Variants in KIF3B observed in about 807,000 individuals in gnomAD.
The protein encoded by KIF3B is kinesin family member 3B.
A neutral mutation model predicts 74.3 loss-of-function variants in KIF3B; 38 were observed. The ratio of observed to expected loss-of-function variants is 0.51; its 90% confidence interval spans 0.39 to 0.67. The LOEUF is 0.67. Ranked by LOEUF, KIF3B falls within the 30% of genes least tolerant of loss-of-function variation. The pLI, the probability that KIF3B is intolerant of heterozygous loss-of-function variation, is 0.00. For synonymous variants in KIF3B, 326 were observed against 342.5 expected, an observed-to-expected ratio of 0.95 and a Z score of 0.53; for missense variants, 649 against 932.0, an observed-to-expected ratio of 0.70 and a Z score of 3.95.
chr20:32,280,645 G>A (rs764062135), intron 1 of KIF3B, among the ~76,000 whole-genome samples: 49 of 149,094 alleles, frequency 3.3e-4, no homozygotes, highest in Non-Finnish European at 6.7e-4. Context: ...AACCGGGGAG[G>A]TGGAACTTGC....
At chr20:32,278,925 T>TTTTC (rs1351395431) in intron 1 of KIF3B, among the ~76,000 whole-genome samples, 2 of 146,366 alleles carry the variant, frequency 1.4e-5, no homozygotes, top group East Asian at 4.0e-4. Flanking sequence ...AGAATCCTTT[T>TTTTC]TTTTTTTTTT....
chr20:32,316,200 A>T lies in KIF3B; in HGVS notation c.1405-18A>T. On this transcript the variant is annotated intron_variant, in intron 2 of 8. Transcript: ENST00000375712. ...AGAAACCGTTCATGAGATGGATTCT[A>T]CTTTGTTTCTCACTCAGGCCATGGA... 1 of 1,365,832 alleles carries T rather than the reference A, an allele frequency of 7.3e-7. No homozygotes were observed. Among genetic ancestry groups the T allele is most frequent in the Non-Finnish European group, 1.0e-6 (1 of 954,452 alleles). The allele number at this position is 1,365,832 out of a possible 1,614,324, so 84.6% of individuals were successfully genotyped here. A position where few individuals can be genotyped will look rare whatever the true frequency, so the allele number is the denominator to read the frequency against.
chr20:32,298,342 C>T (rs575970123), intron 1 of KIF3B, among the ~76,000 whole-genome samples: 3 of 148,672 alleles, frequency 2.0e-5, no homozygotes, highest in African/African-American at 4.9e-5. Flanking sequence ...GAGGCTGAGG[C>T]GGAAAATCGC....
At position 32,327,597 on chromosome 20, in the gene KIF3B, A is replaced by G. The variant is rs1313012119; in HGVS notation, c.1904A>G (p.Tyr635Cys). Residue 635 changes from tyrosine (Y) to cysteine (C), a missense_variant, in exon 7 of 9, where the codon TAT (tyrosine) becomes TGT (cysteine). Physicochemically the swap from Tyr to Cys is radical, Grantham distance 194 (BLOSUM62 -2). Around this residue, in one of 4 missense-constraint regions of KIF3B, gnomAD observed 186 missense variants for 198.5 expected, o/e 0.94. Transcript: ENST00000375712. Reference protein sequence around the residue: ...MMKRPVSAVGYKRPLSQHARM... With the variant: ...MMKRPVSAVGCKRPLSQHARM... The stretch of plus-strand genomic sequence containing the variant: ...AAGCGGCCAGTCTCAGCCGTGGGAT[A>G]TAAGAGACCATTGAGCCAGCACGCA... The G allele has an allele frequency of 1.2e-6, 2 of 1,613,554 alleles. No individual in the cohort carries two copies. Among genetic ancestry groups the G allele is most frequent in the Non-Finnish European group, 8.5e-7 (1 of 1,179,756 alleles).
intron 5 of KIF3B, among the ~76,000 whole-genome samples, 177 bp from the exon 6 acceptor site, chr20:32,326,594 T>C (rs968062904): frequency 6.6e-6 from 1 of 152,206 alleles, no homozygotes; most frequent in Non-Finnish European, 1.5e-5. Context: ...AGGAGCCAGA[T>C]GTCATTTGTG....
chr20:32,279,211 C>T (rs1010526104), intron 1 of KIF3B, among the ~76,000 whole-genome samples: 1 of 152,072 alleles, frequency 6.6e-6, no homozygotes, highest in Non-Finnish European at 1.5e-5. Flanking sequence ...GCGTGAGCCA[C>T]CACACCCAGT....
chr20:32,287,781 A>G (rs2122657411), intron 1 of KIF3B, among the ~76,000 whole-genome samples: 1 of 151,722 alleles, frequency 6.6e-6, no homozygotes, highest in African/African-American at 2.4e-5. Context: ...TAAGAGAACA[A>G]TTCTAAATAA....
rs2047931259 is a variant in KIF3B at position 32,331,726 on chromosome 20, A to G, written c.*407A>G. 5.6e-6 allele frequency: 1 copy of G among 177,918 alleles called. No individual in the cohort carries two copies. Among genetic ancestry groups the G allele is most frequent in the African/African-American group, 2.4e-5 (1 of 41,780 alleles). 11.0% of individuals were successfully genotyped at this position (177,918 alleles called of 1,614,324 possible). A position where few individuals can be genotyped will look rare whatever the true frequency, so the allele number is the denominator to read the frequency against. On this transcript the variant is annotated 3_prime_UTR_variant, in exon 9 of 9. Coordinates refer to ENST00000375712, the MANE Select transcript of KIF3B (RefSeq NM_004798.4). ...GAACAATAGGGCAGAATCAGGAGTC[A>G]CCTTAGCAGGACCACATCTTTGGAG...
intron 2 of KIF3B, 54 bp downstream of exon 2, chr20:32,311,235 C>T (rs2047799128): frequency 1.4e-6 from 2 of 1,481,260 alleles, no homozygotes; most frequent in East Asian, 4.8e-5. Flanking sequence ...CTTTTGCTTT[C>T]ATCAAACAAC....
At chr20:32,329,414 G>A (rs1034820181) in intron 7 of KIF3B, among the ~76,000 whole-genome samples, 1 of 149,814 alleles carries the variant, frequency 6.7e-6, no homozygotes, top group African/African-American at 2.5e-5. Flanking sequence ...CTGTAGCACA[G>A]TCATAGCTCG....
chr20:32,327,427 A>G (rs2047909111), intron 6 of KIF3B, 129 bp from the exon 7 acceptor site: 1 of 659,544 alleles, frequency 1.5e-6, no homozygotes, highest in East Asian at 2.7e-5. Context: ...AGAAAACAGA[A>G]GCATTTCCCG....
chr20:32,281,085 C>T (rs2047640967), intron 1 of KIF3B, among the ~76,000 whole-genome samples: 1 of 152,184 alleles, frequency 6.6e-6, no homozygotes, highest in Admixed American at 6.5e-5. Context: ...AAGACCCCGT[C>T]TTATGTAACA....
chr20:32,288,519 T>C (rs543735724), intron 1 of KIF3B, among the ~76,000 whole-genome samples: 1 of 152,176 alleles, frequency 6.6e-6, no homozygotes, highest in Admixed American at 6.6e-5. Flanking sequence ...TATTTAGATA[T>C]ATTTTACATA....
rs1051815726 is a variant in KIF3B, at chr20:32,334,934, C to T, written c.*3615C>T. 1.8e-4 allele frequency: 27 copies of T among 152,694 alleles called. No individual in the cohort carries two copies. Among genetic ancestry groups the T allele is most frequent in the African/African-American group, 6.0e-4 (25 of 41,544 alleles). 9.5% of individuals were successfully genotyped at this position (152,694 alleles called of 1,614,324 possible). On this transcript the variant is annotated 3_prime_UTR_variant, in exon 9 of 9. Transcript: ENST00000375712. ...CAATTGATATTTATTTGTATCATCTCTTTGTCTAGGAATGTAAAAGTGATT... is the reference window on the plus strand; with the variant it reads ...CAATTGATATTTATTTGTATCATCTTTTTGTCTAGGAATGTAAAAGTGATT...
chr20:32,301,104 T>G (rs1481847101), intron 1 of KIF3B, among the ~76,000 whole-genome samples: 22 of 148,102 alleles, frequency 1.5e-4, no homozygotes, highest in African/African-American at 5.0e-4. Flanking sequence ...TTTTTTTTTT[T>G]TTTGAGACAG....
intron 1 of KIF3B, among the ~76,000 whole-genome samples, chr20:32,286,119 T>C (rs571551614): frequency 1.3e-5 from 2 of 152,340 alleles, no homozygotes; most frequent in South Asian, 2.1e-4. Context: ...TTTGTCATGC[T>C]TGAATATAGT....
chr20:32,289,841 T>C (rs1374409076), intron 1 of KIF3B, among the ~76,000 whole-genome samples: 5 of 152,198 alleles, frequency 3.3e-5, no homozygotes, highest in African/African-American at 1.2e-4. Context: ...GGCCATGGAC[T>C]TTGGAGCCAG....
intron 5 of KIF3B, among the ~76,000 whole-genome samples, chr20:32,323,725 A>G (rs1208075436): frequency 1.3e-5 from 2 of 151,924 alleles, no homozygotes; most frequent in African/African-American, 4.8e-5. Flanking sequence ...TAAAAATACA[A>G]GAATTAGCTG....
At chr20:32,298,858 C>T (rs2122673435) in intron 1 of KIF3B, among the ~76,000 whole-genome samples, 1 of 152,242 alleles carries the variant, frequency 6.6e-6, no homozygotes, top group African/African-American at 2.4e-5. Context: ...GGGTCTTGCT[C>T]TGTTGCCCTG....
Sources: gnomAD v4.1 joint callset for allele counts (sites outside exome capture counted in the v4.1 genomes callset) on GRCh38, gnomAD v4.1.1 for gene constraint, gnomAD v4.1.1 regional missense constraint, MANE v1.5 for transcripts, NCBI Gene and HGNC (gene_info 2026-07-23, HGNC 2026-07-21) for gene names.